The following CDH12 variants were observed in gnomAD, a reference collection of about 807,000 sequenced individuals.
CDH12 encodes cadherin 12.
CDH12 carries 41 observed loss-of-function variants against 74.1 expected under a neutral mutation model. The ratio of observed to expected loss-of-function variants is 0.55; its 90% CI spans 0.43 to 0.72. The LOEUF (loss-of-function observed/expected upper bound fraction) is 0.72, where lower values mean the gene tolerates loss of function less well. Ranked by LOEUF, CDH12 falls within the 30% of genes least tolerant of loss-of-function variation. CDH12 has a pLI of 0.00. For missense variants in CDH12, 945 were observed against 977.2 expected (o/e 0.97, Z 0.44); for synonymous variants, 399 against 355.0 (o/e 1.12, Z -1.39).
intron 1 of CDH12, among the ~76,000 whole-genome samples, chr5:22,617,937 T>C (rs540189654): frequency 1.4e-3 from 218 of 152,214 alleles, no homozygotes; most frequent in Non-Finnish European, 2.8e-3. Flanking sequence ...ATAACTAATA[T>C]TCATAAACAA....
chr5:22,272,970 C>T (rs1736467785), intron 3 of CDH12, among the ~76,000 whole-genome samples: 2 of 152,120 alleles, frequency 1.3e-5, no homozygotes, highest in African/African-American at 2.4e-5. Flanking sequence ...GAGAGAAGTG[C>T]CAGCAAGGGA....
intron 4 of CDH12, among the ~76,000 whole-genome samples, chr5:22,115,334 T>A (rs779248959): frequency 6.6e-6 from 1 of 152,224 alleles, no homozygotes; most frequent in Non-Finnish European, 1.5e-5. Context: ...TAATTTATTC[T>A]TAATGTTTTC....
rs1403430360 is a variant in CDH12 at position 22,570,778 on chromosome 5, C to G, written c.-522-65414G>C. Among the ~76,000 whole-genome samples the G allele has an allele frequency of 2.6e-5, 4 of 152,244 alleles. No individual in the cohort carries two copies. The East Asian group carries it at 7.7e-4, about 29-fold the overall frequency. On this transcript the variant is annotated intron_variant, in intron 1 of 14. Transcript: ENST00000382254. ...CAGTCTGTCCTTTGAAATTTTGAAG[C>G]CAGGAATTGACTTCTCTCTAGCTAT...
At chr5:21,849,432 T>C (rs1750347932) in intron 7 of CDH12, among the ~76,000 whole-genome samples, 2 of 151,954 alleles carry the variant, frequency 1.3e-5, no homozygotes, top group South Asian at 4.1e-4. Context: ...GGGCATGGAA[T>C]TTACTACACG....
Position 22,250,035 on chromosome 5 carries a change from G to T in CDH12, c.-332-37392C>A, listed in dbSNP as rs868707004. On this transcript the variant is annotated intron_variant, in intron 3 of 14. Transcript: ENST00000382254. ...TCATCCAATTAAAAAAAAAATGTAGGCTGGTGGGGAAGTATTGCAGAAAAA... is the reference window on the plus strand; with the variant it reads ...TCATCCAATTAAAAAAAAAATGTAGTCTGGTGGGGAAGTATTGCAGAAAAA... 2.0e-4 allele frequency among the ~76,000 whole-genome samples: 31 copies of T among 152,124 alleles called. No homozygotes were observed. The Middle Eastern group carries it at 0.017, about 83-fold the overall frequency.
chr5:22,816,285 C>T (rs887928704), intron 1 of CDH12, among the ~76,000 whole-genome samples: 7 of 152,078 alleles, frequency 4.6e-5, no homozygotes, highest in Non-Finnish European at 8.8e-5. Flanking sequence ...ATTGAGGCAC[C>T]GGAAGTTAAT....
intron 10 of CDH12, among the ~76,000 whole-genome samples, chr5:21,789,678 G>T (rs1230655060): frequency 6.6e-6 from 1 of 151,970 alleles, no homozygotes; most frequent in African/African-American, 2.4e-5. Context: ...ATTTTTCAAA[G>T]CTTTTCTTTA....
intron 2 of CDH12, among the ~76,000 whole-genome samples, chr5:22,468,264 A>C (rs753740191): frequency 7.9e-5 from 12 of 152,224 alleles, no homozygotes; most frequent in Non-Finnish European, 1.5e-4. Context: ...TCCTTACACA[A>C]AGAGAACACT....
chr5:22,488,536 G>C (rs968925604), intron 2 of CDH12, among the ~76,000 whole-genome samples: 9 of 152,098 alleles, frequency 5.9e-5, no homozygotes, highest in African/African-American at 2.2e-4. Context: ...CATTCCAAGA[G>C]ATAGCAAACA....
At chr5:22,506,781 T>C (rs1180452186) in intron 1 of CDH12, among the ~76,000 whole-genome samples, 1 of 152,144 alleles carries the variant, frequency 6.6e-6, no homozygotes, top group Non-Finnish European at 1.5e-5. Context: ...TCCATAATTG[T>C]CTCTATATCT....
At chr5:22,536,443 A>T (rs201877055) in intron 1 of CDH12, among the ~76,000 whole-genome samples, 22,769 of 151,992 alleles carry the variant, frequency 0.15, 2,300 homozygotes, top group East Asian at 0.36. Context: ...TGGTGGTGAT[A>T]GTGGTAGTGG....
At chr5:22,314,143 T>C (rs1738510971) in intron 3 of CDH12, among the ~76,000 whole-genome samples, 1 of 152,196 alleles carries the variant, frequency 6.6e-6, no homozygotes, top group South Asian at 2.1e-4. Context: ...ATGTGTGTTA[T>C]ATATTCGACT....
At chr5:21,808,090 C>CT (rs2149932561) in intron 9 of CDH12, among the ~76,000 whole-genome samples, 1 of 152,168 alleles carries the variant, frequency 6.6e-6, no homozygotes, top group South Asian at 2.1e-4. Context: ...ACAACATTGT[C>CT]ATAGGAGCCA....
chr5:22,163,725 A>G (rs913887499), intron 4 of CDH12, among the ~76,000 whole-genome samples: 1 of 152,206 alleles, frequency 6.6e-6, no homozygotes, highest in Non-Finnish European at 1.5e-5. Flanking sequence ...ATTCCCAAGA[A>G]TTAGAAATTT....
intron 1 of CDH12, among the ~76,000 whole-genome samples, chr5:22,530,832 C>A (rs1319756690): frequency 6.6e-6 from 1 of 151,958 alleles, no homozygotes; most frequent in African/African-American, 2.4e-5. Context: ...TAGCATATTT[C>A]CTCATTGCTG....
At chr5:22,526,008 G>A (rs1381618640) in intron 1 of CDH12, among the ~76,000 whole-genome samples, 1 of 152,112 alleles carries the variant, frequency 6.6e-6, no homozygotes, top group African/African-American at 2.4e-5. Flanking sequence ...GTTTCAGGGA[G>A]TTATCTCTAC....
intron 3 of CDH12, among the ~76,000 whole-genome samples, chr5:22,236,483 G>A (rs1213077705): frequency 6.6e-6 from 1 of 151,778 alleles, no homozygotes; most frequent in African/African-American, 2.4e-5. Flanking sequence ...CTGTAATCCC[G>A]GCACTTTGGG....
chr5:22,501,731 C>T (rs955938027), intron 2 of CDH12, among the ~76,000 whole-genome samples: 5 of 141,462 alleles, frequency 3.5e-5, no homozygotes, highest in African/African-American at 1.4e-4. Flanking sequence ...TTTAGTTATG[C>T]CTTACAAAGT....
intron 1 of CDH12, among the ~76,000 whole-genome samples, chr5:22,725,011 G>A (rs1194619713): frequency 6.6e-6 from 1 of 151,796 alleles, no homozygotes; most frequent in Non-Finnish European, 1.5e-5. Flanking sequence ...ATTTTACTGT[G>A]TTGGGACTTT....
Sources: gnomAD v4.1 joint callset for allele counts (sites outside exome capture counted in the v4.1 genomes callset) on GRCh38, gnomAD v4.1.1 for gene constraint, MANE v1.5 for transcripts, NCBI Gene and HGNC (gene_info 2026-07-23, HGNC 2026-07-21) for gene names.